HIP1: variants seen among roughly 807,000 people sequenced by gnomAD.
HIP1 encodes huntingtin-interacting protein 1.
HIP1 carries 65 observed loss-of-function variants against 147.6 expected under a neutral mutation model. The ratio of observed to expected loss-of-function variants is 0.44; its 90% CI spans 0.36 to 0.54. The LOEUF (loss-of-function observed/expected upper bound fraction) is 0.54, where lower values mean the gene tolerates loss of function less well. HIP1 is among the 20% of genes least tolerant of loss of function. HIP1 has a pLI of 0.00. For synonymous variants in HIP1, 479 were observed against 504.0 expected (o/e 0.95, Z 0.67); for missense variants, 1,061 against 1,299.6 (o/e 0.82, Z 2.82).
At chr7:75,540,502 C>T (rs1794265545) in intron 29 of HIP1, among the ~76,000 whole-genome samples, 1 of 151,332 alleles carries the variant, frequency 6.6e-6, no homozygotes, top group Non-Finnish European at 1.5e-5. Context: ...CCCAGCTACT[C>T]AGGAGGCTGA....
chr7:75,708,881 G>C (rs1421543563), intron 1 of HIP1, among the ~76,000 whole-genome samples: 13 of 151,982 alleles, frequency 8.6e-5, no homozygotes, highest in African/African-American at 3.1e-4. Context: ...GGGTTTTTCT[G>C]TTTCTGCAAA....
intron 1 of HIP1, among the ~76,000 whole-genome samples, chr7:75,634,797 T>C (rs1798364381): frequency 6.6e-6 from 1 of 151,604 alleles, no homozygotes; most frequent in Non-Finnish European, 1.5e-5. Flanking sequence ...AAAATTAGCC[T>C]CGCTTGGTGG....
At chr7:75,574,161 C>T (rs587759093) in intron 7 of HIP1, among the ~76,000 whole-genome samples, 12 of 152,242 alleles carry the variant, frequency 7.9e-5, no homozygotes, top group African/African-American at 2.4e-4. Flanking sequence ...AGCATGGTGG[C>T]GCATGCCTGT....
intron 1 of HIP1, among the ~76,000 whole-genome samples, chr7:75,612,129 G>A (rs782473945): frequency 3.3e-5 from 5 of 152,202 alleles, no homozygotes; most frequent in Non-Finnish European, 5.9e-5. Flanking sequence ...GATGTGCCCC[G>A]GGTGGGGGTG....
At chr7:75,706,475 T>TTTA (rs1563304793) in intron 1 of HIP1, among the ~76,000 whole-genome samples, 1 of 148,114 alleles carries the variant, frequency 6.8e-6, no homozygotes, top group African/African-American at 2.5e-5. Context: ...TATATCTTCT[T>TTTA]TTTTTTTATT....
chr7:75,727,356 A>G (rs1554522446), intron 1 of HIP1, among the ~76,000 whole-genome samples: 1 of 150,790 alleles, frequency 6.6e-6, no homozygotes, highest in Non-Finnish European at 1.5e-5. Context: ...TCAGCCTCCC[A>G]AAGTGCTAGG....
In HIP1 at chr7:75,712,494, G is replaced by A. The variant is rs549699354; in HGVS notation, c.120+26307C>T. On this transcript the variant is annotated intron_variant, in intron 1 of 30. Coordinates refer to ENST00000336926, the MANE Select transcript of HIP1 (RefSeq NM_005338.7). ...AAAGGGGTGTGTGTTTGGTCTGAACGTTTCCAGAGTCATCCTGGAGAACAG... is the reference window on the plus strand; with the variant it reads ...AAAGGGGTGTGTGTTTGGTCTGAACATTTCCAGAGTCATCCTGGAGAACAG... Among the ~76,000 whole-genome samples the A allele has an allele frequency of 1.7e-3, 256 of 152,250 alleles. 1 individual carries two copies. The highest frequency in any genetic ancestry group is 6.1e-3 in the African/African-American group (253 of 41,550).
intron 1 of HIP1, among the ~76,000 whole-genome samples, chr7:75,648,870 C>A (rs1798887886): frequency 6.6e-6 from 1 of 152,038 alleles, no homozygotes; most frequent in Non-Finnish European, 1.5e-5. Context: ...CTTTAGGAGG[C>A]CAAGATGGGA....
chr7:75,632,209 C>T (rs73370145), intron 1 of HIP1, among the ~76,000 whole-genome samples: 1,737 of 152,222 alleles, frequency 0.011, 36 homozygotes, highest in African/African-American at 0.039. Flanking sequence ...TAAGCCTTTT[C>T]GACAGACAAG....
chr7:75,585,640 A>C (rs237231), intron 5 of HIP1, among the ~76,000 whole-genome samples: 22,571 of 145,492 alleles, frequency 0.16, 1,866 homozygotes, highest in African/African-American at 0.21. Flanking sequence ...GGGCAGCCCG[A>C]CTCCCCGCCT....
chr7:75,560,006 T>A, intron 13 of HIP1, 91 bp from the exon 14 acceptor site: 2 of 1,257,882 alleles, frequency 1.6e-6, no homozygotes, highest in Non-Finnish European at 2.1e-6. Flanking sequence ...TGCTTCCAAG[T>A]AAATACCTGA....
At chr7:75,596,675 C>G (rs1383896543) in intron 2 of HIP1, among the ~76,000 whole-genome samples, 4 of 152,198 alleles carry the variant, frequency 2.6e-5, no homozygotes, top group Non-Finnish European at 5.9e-5. Context: ...CATGAGCCAC[C>G]ACACCTGGCC....
At chr7:75,677,515 A>C in intron 1 of HIP1, among the ~76,000 whole-genome samples, 1 of 146,426 alleles carries the variant, frequency 6.8e-6, no homozygotes, top group Non-Finnish European at 1.5e-5. Flanking sequence ...TTGAGGCATG[A>C]GAATTGCTTG....
chr7:75,716,756 G>A (rs1368968567), intron 1 of HIP1, among the ~76,000 whole-genome samples: 1 of 150,816 alleles, frequency 6.6e-6, no homozygotes, highest in African/African-American at 2.4e-5. Flanking sequence ...TCCTGACCTT[G>A]TGATCTGCCG....
At chr7:75,715,291 T>G (rs1322188267) in intron 1 of HIP1, among the ~76,000 whole-genome samples, 1 of 151,844 alleles carries the variant, frequency 6.6e-6, no homozygotes, top group East Asian at 1.9e-4. Context: ...CTCAGGAGGC[T>G]GAGGCAGGAG....
intron 2 of HIP1, among the ~76,000 whole-genome samples, chr7:75,598,926 C>G (rs1796865915): frequency 2.0e-5 from 3 of 152,112 alleles, no homozygotes; most frequent in South Asian, 4.1e-4. Context: ...GTGCTTAAGT[C>G]CTTAAGGAAA....
intron 7 of HIP1, among the ~76,000 whole-genome samples, chr7:75,579,271 A>C (rs1028988831): frequency 1.3e-5 from 2 of 152,136 alleles, no homozygotes; most frequent in Non-Finnish European, 2.9e-5. Context: ...AGTCGGCTGA[A>C]TGTCCCTTTC....
At chr7:75,563,286 G>A in intron 9 of HIP1, 23 bp from the exon 10 acceptor site, 1 of 1,611,220 alleles carries the variant, frequency 6.2e-7, no homozygotes, top group East Asian at 2.2e-5. Flanking sequence ...AAGGACCTGA[G>A]GGGTGCTGGG....
chr7:75,649,251 C>T (rs756755659), intron 1 of HIP1, among the ~76,000 whole-genome samples: 9 of 152,100 alleles, frequency 5.9e-5, no homozygotes, highest in Admixed American at 1.3e-4. Context: ...CTCAAACTCC[C>T]GACCTCAGAT....
Sources: gnomAD v4.1 joint callset for allele counts (sites outside exome capture counted in the v4.1 genomes callset) on GRCh38, gnomAD v4.1.1 for gene constraint, MANE v1.5 for transcripts, NCBI Gene and HGNC (gene_info 2026-07-23, HGNC 2026-07-21) for gene names.